Variants in MXD1 observed in about 807,000 individuals in gnomAD.
MXD1 encodes the protein MAX dimerization protein 1, also known as MAX-binding protein.
Under a neutral mutation model 25.7 loss-of-function variants are expected in MXD1, and 9 were observed. That is an observed-to-expected ratio of 0.35 (90% confidence interval 0.21 to 0.61). MXD1 has a LOEUF of 0.61. Ranked by LOEUF, MXD1 falls within the 20% of genes least tolerant of loss-of-function variation. The probability of loss-of-function intolerance (pLI) is 0.75; values close to 1 mark genes in which losing one functional copy is unlikely to be tolerated. For missense variants in MXD1, 227 were observed against 292.4 expected (o/e 0.78, Z 1.63); for synonymous variants, 99 against 113.9 (o/e 0.87, Z 0.83).
intron 3 of MXD1, among the ~76,000 whole-genome samples, chr2:69,928,968 A>G (rs545788868): frequency 6.6e-6 from 1 of 152,306 alleles, no homozygotes; most frequent in South Asian, 2.1e-4. Context: ...ATCTTGGCTC[A>G]CTGCAACCTC....
chr2:69,916,243 C>A, intron 2 of MXD1, 23 bp downstream of exon 2: 1 of 1,409,544 alleles, frequency 7.1e-7, no homozygotes, highest in Non-Finnish European at 1.0e-6. Context: ...ATACTTCTTT[C>A]TGTCTTTTAG....
intron 2 of MXD1, 21 bp downstream of exon 2, chr2:69,916,241 TTCTG>T: frequency 1.4e-6 from 2 of 1,421,976 alleles, no homozygotes; most frequent in Non-Finnish European, 2.0e-6. Flanking sequence ...AAATACTTCT[TTCTG>T]TCTTTTAGAT....
chr2:69,916,214 G>T lies in MXD1; in HGVS notation c.167G>T (p.Ser56Ile). 1.3e-6 allele frequency: 2 copies of T among 1,593,302 alleles called. No homozygotes were observed. Among genetic ancestry groups the T allele is most frequent in the Non-Finnish European group, 1.7e-6 (2 of 1,162,102 alleles). ...RRNKSKKNNS[S>I]SRSTHNEMEK... is the part of the protein sequence containing the mutation. ...AACAAATCCAAAAAGAATAACAGCA[G>T]TAGCAGGTAATTTGGTAAATACTTC... is the stretch of plus-strand genomic sequence containing the variant. The change falls in exon 2 of 6, where the codon AGT (serine) becomes ATT (isoleucine). Residue 56 changes from serine (S) to isoleucine (I), a missense_variant. Transcript: ENST00000264444.
intron 2 of MXD1, among the ~76,000 whole-genome samples, chr2:69,916,749 A>G (rs1230552496): frequency 6.6e-6 from 1 of 152,208 alleles, no homozygotes; most frequent in Non-Finnish European, 1.5e-5. Flanking sequence ...GCAAAGAGGA[A>G]TGATTGAGGT....
chr2:69,915,462 C>A lies in MXD1; in HGVS notation c.73+59C>A. On this transcript the variant is annotated intron_variant, in intron 1 of 5. Coordinates refer to ENST00000264444, the MANE Select transcript of MXD1 (RefSeq NM_002357.4). The surrounding 1 kb of genome is among the most constrained non-coding windows in gnomAD (Gnocchi z 5.8). ...GAGGCCGGGGGTCCTGTGGGGCCGGCCTCAGGTCCGGGCGCCCAGCCGCTC... is the reference window on the plus strand; with the variant it reads ...GAGGCCGGGGGTCCTGTGGGGCCGGACTCAGGTCCGGGCGCCCAGCCGCTC... The A allele has an allele frequency of 8.1e-7, 1 of 1,238,136 alleles. No homozygotes were observed. Among genetic ancestry groups the A allele is most frequent in the Non-Finnish European group, 1.0e-6 (1 of 975,980 alleles). The allele number at this position is 1,238,136 out of a possible 1,614,324, so 76.7% of individuals were successfully genotyped here.
In MXD1 at chr2:69,915,185, G is replaced by A; in HGVS notation, c.-146G>A. ...CCTCCCTCTCTTGTCGAGCGTGGTT[G>A]CCAGAGAGGCTCCCTCAGCCCTGCT... On this transcript the variant is annotated 5_prime_UTR_variant, in exon 1 of 6. Transcript: ENST00000264444. This position sits in a 1 kb window ranked among gnomAD's most constrained non-coding sequence, Gnocchi z 5.8. The A allele has an allele frequency of 1.6e-6, 1 of 606,514 alleles. No homozygotes were observed. Among genetic ancestry groups the A allele is most frequent in the Non-Finnish European group, 2.5e-6 (1 of 407,008 alleles). The allele number at this position is 606,514 out of a possible 1,614,324, so 37.6% of individuals were successfully genotyped here.
intron 3 of MXD1, among the ~76,000 whole-genome samples, chr2:69,923,751 T>C (rs1231116529): frequency 1.3e-5 from 2 of 152,242 alleles, no homozygotes; most frequent in African/African-American, 2.4e-5. Flanking sequence ...AACTCAAAAG[T>C]ATCTCTTCTT....
At chr2:69,923,367 C>T (rs1677108071) in intron 3 of MXD1, among the ~76,000 whole-genome samples, 1 of 152,170 alleles carries the variant, frequency 6.6e-6, no homozygotes, top group African/African-American at 2.4e-5. Context: ...AGTGCTTTCT[C>T]AGTGCCCTGC....
intron 3 of MXD1, among the ~76,000 whole-genome samples, chr2:69,922,811 C>T (rs1027914164): frequency 2.6e-4 from 39 of 147,526 alleles, no homozygotes; most frequent in African/African-American, 8.6e-4. Flanking sequence ...ACCCTAGAGG[C>T]GGAGGTTGCG....
intron 2 of MXD1, among the ~76,000 whole-genome samples, chr2:69,919,915 A>G (rs568231212): frequency 1.3e-5 from 2 of 152,204 alleles, no homozygotes; most frequent in African/African-American, 2.4e-5. Context: ...AGCTCAAGCA[A>G]TTCTCCTGCC....
At position 69,915,323 on chromosome 2, in the gene MXD1, G is replaced by A; in HGVS notation, c.-8G>A. On this transcript the variant is annotated 5_prime_UTR_variant, in exon 1 of 6. Coordinates refer to ENST00000264444, the MANE Select transcript of MXD1 (RefSeq NM_002357.4). The surrounding 1 kb of genome is among the most constrained non-coding windows in gnomAD (Gnocchi z 5.8). ...GGTTGGTCCCGTGGCTCCGGCCCCCGGTGCAGAATGGCGGCGGCGGTTCGG... is the reference window on the plus strand; with the variant it reads ...GGTTGGTCCCGTGGCTCCGGCCCCCAGTGCAGAATGGCGGCGGCGGTTCGG... The A allele has an allele frequency of 1.5e-6, 2 of 1,308,244 alleles. No homozygotes were observed. Among genetic ancestry groups the A allele is most frequent in the African/African-American group, 1.5e-5 (1 of 64,934 alleles). The allele number at this position is 1,308,244 out of a possible 1,614,324, so 81.0% of individuals were successfully genotyped here.
At chr2:69,923,017 T>G (rs1016464644) in intron 3 of MXD1, among the ~76,000 whole-genome samples, 1 of 148,586 alleles carries the variant, frequency 6.7e-6, no homozygotes, top group Non-Finnish European at 1.5e-5. Flanking sequence ...TAAAGCAAAT[T>G]TTCTTGTATC....
intron 4 of MXD1, among the ~76,000 whole-genome samples, chr2:69,935,730 A>G (rs554833947): frequency 6.6e-6 from 1 of 152,288 alleles, no homozygotes; most frequent in South Asian, 2.1e-4. Flanking sequence ...CTCCTTAACC[A>G]TATATCTAGG....
At chr2:69,919,656 C>T (rs1677024830) in intron 2 of MXD1, among the ~76,000 whole-genome samples, 1 of 152,072 alleles carries the variant, frequency 6.6e-6, no homozygotes, top group Non-Finnish European at 1.5e-5. Context: ...TTAAAAAAAT[C>T]TGTCAGGCTT....
At position 69,938,767 on chromosome 2, in the gene MXD1, C is replaced by T. The variant is rs1227553929; in HGVS notation, c.*483C>T. 2 of 155,590 alleles carry T rather than the reference C, an allele frequency of 1.3e-5. No homozygotes were observed. Among genetic ancestry groups the T allele is most frequent in the African/African-American group, 4.8e-5 (2 of 41,474 alleles). The allele number at this position is 155,590 out of a possible 1,614,324, so 9.6% of individuals were successfully genotyped here. A position where few individuals can be genotyped will look rare whatever the true frequency, so the allele number is the denominator to read the frequency against. On this transcript the variant is annotated 3_prime_UTR_variant, in exon 6 of 6. Transcript: ENST00000264444. ...GCTTTGAAAGCAGCATTTAAGAGCA[C>T]TTAACCATGGACCTCACCACCAGTG...
chr2:69,915,218 GTCCACAGCGGGC>G lies in MXD1; in HGVS notation c.-96_-85del, dbSNP rs1051652131. The G allele has an allele frequency of 1.9e-4, 180 of 966,832 alleles. No homozygotes were observed. The highest frequency in any genetic ancestry group is 1.5e-3 in the African/African-American group (88 of 58,824). 59.9% of individuals were successfully genotyped at this position (966,832 alleles called of 1,614,324 possible). ...GGCTCCCTCAGCCCTGCTCCGCGGG[GTCCACAGCGGGC>G]TCCACAGCGGGCTCCATAGCGGGCT... On this transcript the variant is annotated 5_prime_UTR_variant, in exon 1 of 6. Transcript: ENST00000264444. This position sits in a 1 kb window ranked among gnomAD's most constrained non-coding sequence, Gnocchi z 5.8.
chr2:69,919,660 C>T (rs569008493), intron 2 of MXD1, among the ~76,000 whole-genome samples: 1 of 152,174 alleles, frequency 6.6e-6, no homozygotes, highest in Admixed American at 6.5e-5. Flanking sequence ...AAAAATCTGT[C>T]AGGCTTTGAA....
chr2:69,924,161 T>C (rs1465904118), intron 3 of MXD1, among the ~76,000 whole-genome samples: 2 of 152,246 alleles, frequency 1.3e-5, no homozygotes, highest in African/African-American at 4.8e-5. Flanking sequence ...ATGTGCAGTT[T>C]GTCCAATGGG....
intron 3 of MXD1, among the ~76,000 whole-genome samples, chr2:69,934,907 G>GAT (rs1255000359): frequency 6.6e-6 from 1 of 152,158 alleles, no homozygotes; most frequent in African/African-American, 2.4e-5. Context: ...TAACTCCACA[G>GAT]ATATATATGC....
Sources: gnomAD v4.1 joint callset for allele counts (sites outside exome capture counted in the v4.1 genomes callset) on GRCh38, gnomAD v4.1.1 for gene constraint, Gnocchi (gnomAD v3.1) non-coding constraint, MANE v1.5 for transcripts, NCBI Gene and HGNC (gene_info 2026-07-23, HGNC 2026-07-21) for gene names.